Variants in TICAM1 observed in about 807,000 individuals in gnomAD.
The protein encoded by TICAM1 is TIR domain containing adaptor molecule 1.
For synonymous variants in TICAM1, 439 were observed against 415.4 expected (o/e 1.06, Z -0.69); for missense variants, 895 against 938.2 (o/e 0.95, Z 0.60).
At chr19:4,828,216 A>G (rs2093608725) in intron 1 of TICAM1, among the ~76,000 whole-genome samples, 2 of 149,744 alleles carry the variant, frequency 1.3e-5, no homozygotes, top group African/African-American at 2.5e-5. Context: ...CCGGGTTCCC[A>G]CCGTTCTCCT....
At position 4,817,595 on chromosome 19, in the gene TICAM1, A is replaced by G; in HGVS notation, c.783T>C (p.Ile261=). The change falls in exon 2 of 2, where the codon ATT becomes ATC. Residue 261 remains isoleucine (I), a synonymous_variant. Coordinates refer to ENST00000248244, the MANE Select transcript of TICAM1 (RefSeq NM_182919.4). This position sits in a 1 kb window ranked among gnomAD's most constrained non-coding sequence, Gnocchi z 4.7. ...TGCTTGGCAGCTCTGGTGGGCTGGC[A>G]ATCTCCCCCGATGGCGGCCAGCTCA... The part of the protein sequence containing the change: ...EEMSWPPSGE[I]ASPPELPSSP... The G allele has an allele frequency of 1.2e-6, 2 of 1,606,478 alleles. 1 individual carries two copies. Among genetic ancestry groups the G allele is most frequent in the Non-Finnish European group, 1.7e-6 (2 of 1,176,834 alleles).
In TICAM1 at chr19:4,817,195, A is replaced by C. The variant is rs2093587661; in HGVS notation, c.1183T>G (p.Tyr395Asp). The C allele has an allele frequency of 6.2e-7, 1 of 1,613,824 alleles. No individual in the cohort carries two copies. The highest frequency in any genetic ancestry group is 1.3e-5 in the African/African-American group (1 of 74,842). ...SLESSSEQKF[Y>D]NFVILHARAD... is the part of the protein sequence containing the mutation. ...CTGGCGTGGAGGATCACAAAGTTAT[A>C]GAATTTCTGTTCCGATGATGATTCC... Residue 395 changes from tyrosine to aspartate, a missense_variant, in exon 2 of 2, where the codon TAT (tyrosine) becomes GAT (aspartate). Coordinates refer to ENST00000248244, the MANE Select transcript of TICAM1 (RefSeq NM_182919.4). The surrounding 1 kb of genome is among the most constrained non-coding windows in gnomAD (Gnocchi z 4.7).
chr19:4,828,045 G>C (rs1435414714), intron 1 of TICAM1, among the ~76,000 whole-genome samples: 2 of 151,910 alleles, frequency 1.3e-5, no homozygotes, highest in African/African-American at 2.4e-5. Flanking sequence ...GCTGGGACAG[G>C]GTAGCAGTGG....
intron 1 of TICAM1, among the ~76,000 whole-genome samples, chr19:4,820,112 G>C (rs1205685408): frequency 6.6e-6 from 1 of 151,918 alleles, no homozygotes; most frequent in African/African-American, 2.4e-5. Context: ...ATTTTTAAGA[G>C]ACTTTGTGAG....
chr19:4,816,690 G>A lies in TICAM1; in HGVS notation c.1688C>T (p.Ala563Val), dbSNP rs1427361110. Residue 563 changes from alanine to valine, a missense_variant, in exon 2 of 2, where the codon GCG becomes GTG. Ala to Val is a moderately conservative substitution (Grantham distance 64). Coordinates refer to ENST00000248244, the MANE Select transcript of TICAM1 (RefSeq NM_182919.4). This position sits in a 1 kb window ranked among gnomAD's most constrained non-coding sequence, Gnocchi z 4.3. ...TGAGTAGGCTGCGTTCAGTGCCGCC[G>A]CCTGCATCCGCTCACCGTCCAGGTG... ...SQHLDGERMQ[A>V]AALNAAYSAY... The A allele has an allele frequency of 1.9e-6, 3 of 1,614,090 alleles. No homozygotes were observed. Among genetic ancestry groups the A allele is most frequent in the East Asian group, 2.2e-5 (1 of 44,872 alleles).
intron 1 of TICAM1, among the ~76,000 whole-genome samples, chr19:4,823,562 G>A (rs1159020714): frequency 6.6e-6 from 1 of 151,522 alleles, no homozygotes; most frequent in Non-Finnish European, 1.5e-5. Context: ...TTGAGCCTGG[G>A]AGGTTGAGGC....
chr19:4,823,582 C>A (rs996914027), intron 1 of TICAM1, among the ~76,000 whole-genome samples: 6 of 150,786 alleles, frequency 4.0e-5, no homozygotes, highest in Non-Finnish European at 5.9e-5. Flanking sequence ...CTGCAGCAAG[C>A]AAGCTAAGAT....
At chr19:4,821,929 C>T (rs939448927) in intron 1 of TICAM1, among the ~76,000 whole-genome samples, 8 of 149,582 alleles carry the variant, frequency 5.3e-5, no homozygotes, top group African/African-American at 2.0e-4. Context: ...CAGGCATGAG[C>T]CACCCCGTCC....
Position 4,816,522 on chromosome 19 carries a change from G to T in TICAM1, c.1856C>A (p.Pro619Gln), listed in dbSNP as rs201230476. 4.0e-4 allele frequency: 636 copies of T among 1,596,554 alleles called. 8 individuals are homozygous for T. The East Asian group carries it at 0.014, about 35-fold the overall frequency. The change falls in exon 2 of 2, where the codon CCA (proline) becomes CAA (glutamine). Residue 619 changes from proline (P) to glutamine (Q), a missense_variant. Coordinates refer to ENST00000248244, the MANE Select transcript of TICAM1 (RefSeq NM_182919.4). This position sits in a 1 kb window ranked among gnomAD's most constrained non-coding sequence, Gnocchi z 4.3. ...FGGQVPLGAP[P>Q]PFPTWPGCPQ... is the part of the protein sequence containing the mutation. ...GCACCCCGGCCAAGTGGGAAAGGGT[G>T]GCGGGGCTCCCAGGGGCACCTGGCC...
At chr19:4,829,010 A>G (rs1000127244) in intron 1 of TICAM1, among the ~76,000 whole-genome samples, 1 of 151,504 alleles carries the variant, frequency 6.6e-6, no homozygotes, top group Non-Finnish European at 1.5e-5. Flanking sequence ...AGTTTTTGTA[A>G]TTTTAGTAGA....
intron 1 of TICAM1, among the ~76,000 whole-genome samples, chr19:4,831,083 G>GGGGTATTCGGGAGGGATCCT (rs1202038147): frequency 2.6e-5 from 4 of 151,852 alleles, no homozygotes; most frequent in African/African-American, 9.7e-5. Flanking sequence ...GGAGGAATCT[G>GGGGTATTCGGGAGGGATCCT]GGGTATTCGG....
rs533009465 is a variant in TICAM1 at position 4,825,677 on chromosome 19, G to A, written c.-140+5937C>T. Among the ~76,000 whole-genome samples the A allele has an allele frequency of 1.5e-4, 22 of 151,420 alleles. 1 individual carries two copies. The highest frequency in any genetic ancestry group is 1.3e-3 in the Admixed American group (20 of 15,156). On this transcript the variant is annotated intron_variant, in intron 1 of 1. Coordinates refer to ENST00000248244, the MANE Select transcript of TICAM1 (RefSeq NM_182919.4). ...CCATCTCTACAAAAAATAAAAATAG[G>A]CCGGGTGTGGTGGCTCACGCCTGTA...
intron 1 of TICAM1, among the ~76,000 whole-genome samples, chr19:4,829,967 C>T (rs186708939): frequency 1.1e-4 from 16 of 151,744 alleles, no homozygotes; most frequent in African/African-American, 3.4e-4. Flanking sequence ...TGCACCACCA[C>T]GCCCCGCTAA....
intron 1 of TICAM1, among the ~76,000 whole-genome samples, chr19:4,828,796 G>A (rs1267663273): frequency 2.0e-5 from 3 of 151,374 alleles, no homozygotes; most frequent in Non-Finnish European, 4.4e-5. Context: ...TCCACCTCCT[G>A]GGTTCAAGCA....
rs2093586668 is a variant in TICAM1, at chr19:4,816,881, G to T, written c.1497C>A (p.Leu499=). ...FLPLESSPAQ[L]SSDTASLLSG... ...AGAGCAGGCTGGCCGTGTCGGAGCT[G>T]AGCTGGGCCGGGGAGCTCTCCAGGG... The change falls in exon 2 of 2, where the codon CTC becomes CTA. Residue 499 remains leucine, a synonymous_variant. Transcript: ENST00000248244. This position sits in a 1 kb window ranked among gnomAD's most constrained non-coding sequence, Gnocchi z 4.3. 1 of 1,612,800 alleles carries T rather than the reference G, an allele frequency of 6.2e-7. No homozygotes were observed. The highest frequency in any genetic ancestry group is 1.7e-5 in the Admixed American group (1 of 59,998).
chr19:4,831,289 G>C (rs926487762), intron 1 of TICAM1, among the ~76,000 whole-genome samples: 3 of 150,024 alleles, frequency 2.0e-5, no homozygotes, highest in Non-Finnish European at 4.4e-5. Context: ...TTTCAGGTAG[G>C]AATCCTGGGT....
At chr19:4,824,649 A>G (rs2093602944) in intron 1 of TICAM1, among the ~76,000 whole-genome samples, 1 of 146,548 alleles carries the variant, frequency 6.8e-6, no homozygotes, top group Non-Finnish European at 1.5e-5. Context: ...AGGGAACAAC[A>G]GGGCCAGGCA....
At chr19:4,829,507 G>C (rs896871417) in intron 1 of TICAM1, among the ~76,000 whole-genome samples, 1 of 151,908 alleles carries the variant, frequency 6.6e-6, no homozygotes, top group African/African-American at 2.4e-5. Flanking sequence ...AAGAGCAGGC[G>C]CCTGGCGGGA....
In TICAM1 at chr19:4,818,417, G is replaced by A. The variant is rs2146171725; in HGVS notation, c.-40C>T. The A allele has an allele frequency of 6.5e-7, 1 of 1,538,526 alleles. No individual in the cohort carries two copies. The stretch of plus-strand genomic sequence containing the variant: ...GCAGCCTCCGGCAGCAGAAGCTGGA[G>A]GTGGTGAAGGCATGTTCCACACTGC... On this transcript the variant is annotated 5_prime_UTR_variant, in exon 2 of 2. Transcript: ENST00000248244. This position sits in a 1 kb window ranked among gnomAD's most constrained non-coding sequence, Gnocchi z 4.0.
Sources: allele counts gnomAD v4.1 joint callset (sites outside exome capture counted in the v4.1 genomes callset), GRCh38; gene constraint gnomAD v4.1.1; non-coding constraint Gnocchi (gnomAD v3.1); transcripts MANE v1.5; gene names NCBI Gene and HGNC (gene_info 2026-07-23, HGNC 2026-07-21).